ERBB4: variants seen among roughly 807,000 people sequenced by gnomAD.
The protein encoded by ERBB4 is receptor tyrosine-protein kinase erbB-4.
Under a neutral mutation model 158.0 loss-of-function variants are expected in ERBB4, and 42 were observed. The ratio of observed to expected loss-of-function variants is 0.27; its 90% CI spans 0.21 to 0.34. The LOEUF (loss-of-function observed/expected upper bound fraction) is 0.34, where lower values mean the gene tolerates loss of function less well. Ranked by LOEUF, ERBB4 falls within the 10% of genes least tolerant of loss-of-function variation. The pLI is 1.00. For synonymous variants in ERBB4, 583 were observed against 558.7 expected, an observed-to-expected ratio of 1.04 and a Z score of -0.61; for missense variants, 1,333 against 1,624.1, an observed-to-expected ratio of 0.82 and a Z score of 3.08.
At chr2:211,632,546 T>C (rs533135627) in intron 16 of ERBB4, among the ~76,000 whole-genome samples, 2 of 152,228 alleles carry the variant, frequency 1.3e-5, no homozygotes, top group East Asian at 3.9e-4. Flanking sequence ...GTGGTATACA[T>C]ATTTATGTAA....
At chr2:212,444,464 A>T (rs1196065414) in intron 1 of ERBB4, among the ~76,000 whole-genome samples, 1 of 152,202 alleles carries the variant, frequency 6.6e-6, no homozygotes, top group Non-Finnish European at 1.5e-5. Context: ...TGACAAAGAA[A>T]TCTGGGGAAG....
At chr2:212,484,109 A>T (rs1490461167) in intron 1 of ERBB4, among the ~76,000 whole-genome samples, 1 of 152,126 alleles carries the variant, frequency 6.6e-6, no homozygotes, top group Non-Finnish European at 1.5e-5. Flanking sequence ...TTTTCTATAC[A>T]TATGCTGTAT....
chr2:212,379,441 G>A (rs896928073), intron 1 of ERBB4, among the ~76,000 whole-genome samples: 5 of 151,560 alleles, frequency 3.3e-5, no homozygotes, highest in African/African-American at 9.7e-5. Context: ...TATAAATGCA[G>A]TATGACGAAA....
chr2:212,479,876 T>C (rs1443646433), intron 1 of ERBB4, among the ~76,000 whole-genome samples: 1 of 152,184 alleles, frequency 6.6e-6, no homozygotes, highest in Admixed American at 6.5e-5. Context: ...GAGGACTTCA[T>C]GATGATTGCT....
chr2:212,209,984 T>C (rs977842719), intron 1 of ERBB4, among the ~76,000 whole-genome samples: 3 of 151,892 alleles, frequency 2.0e-5, no homozygotes, highest in African/African-American at 7.3e-5. Flanking sequence ...GATATGGAGA[T>C]AGAATAGGTA....
intron 1 of ERBB4, among the ~76,000 whole-genome samples, chr2:212,480,410 G>T (rs905384290): frequency 6.6e-6 from 1 of 152,152 alleles, no homozygotes; most frequent in African/African-American, 2.4e-5. Flanking sequence ...ATGGATGCAA[G>T]GCTTTCTCGG....
intron 2 of ERBB4, among the ~76,000 whole-genome samples, chr2:212,118,890 T>C (rs1452590336): frequency 6.6e-6 from 1 of 152,026 alleles, no homozygotes; most frequent in African/African-American, 2.4e-5. Flanking sequence ...TTTTTAATCT[T>C]TTTGCTTCAA....
chr2:211,809,784 G>A (rs932348855), intron 3 of ERBB4, among the ~76,000 whole-genome samples: 18 of 151,818 alleles, frequency 1.2e-4, no homozygotes, highest in Admixed American at 6.6e-5. Context: ...ATGATGTTAG[G>A]GTGTTGATTT....
intron 20 of ERBB4, among the ~76,000 whole-genome samples, chr2:211,507,174 C>T (rs1017830420): frequency 1.3e-5 from 2 of 151,848 alleles, no homozygotes; most frequent in African/African-American, 2.4e-5. Flanking sequence ...AAAAGAAATC[C>T]TAAACGGACA....
At position 212,070,286 on chromosome 2, in the gene ERBB4, C is replaced by T. The variant is rs150172373; in HGVS notation, c.234+54466G>A. Among the ~76,000 whole-genome samples the T allele has an allele frequency of 6.6e-4, 101 of 151,970 alleles. 1 individual carries two copies. Among genetic ancestry groups the T allele is most frequent in the African/African-American group, 2.4e-3 (99 of 41,476 alleles). On this transcript the variant is annotated intron_variant, in intron 2 of 27. Transcript: ENST00000342788. ...AAGTATCAATACTTCTTAAATTGAT[C>T]TACACTCTCAATGCAATCCTTATAA...
chr2:212,527,564 A>G (rs958470094), intron 1 of ERBB4, among the ~76,000 whole-genome samples: 2 of 152,160 alleles, frequency 1.3e-5, no homozygotes, highest in Non-Finnish European at 2.9e-5. Context: ...TTTCTAAAAC[A>G]GCTTCAGCTT....
chr2:211,446,045 T>A (rs960269469), intron 20 of ERBB4, among the ~76,000 whole-genome samples: 1 of 152,202 alleles, frequency 6.6e-6, no homozygotes, highest in Non-Finnish European at 1.5e-5. Context: ...GGGGAGCTAA[T>A]GTTTTCATAC....
chr2:212,015,797 C>T (rs1048897746), intron 2 of ERBB4, among the ~76,000 whole-genome samples: 1 of 152,044 alleles, frequency 6.6e-6, no homozygotes, highest in Non-Finnish European at 1.5e-5. Context: ...ACCCACTGCC[C>T]TTAAAATGAA....
intron 25 of ERBB4, among the ~76,000 whole-genome samples, chr2:211,393,090 A>C (rs1249707095): frequency 6.6e-6 from 1 of 152,244 alleles, no homozygotes; most frequent in Non-Finnish European, 1.5e-5. Flanking sequence ...GAGTCAAGAC[A>C]GAATTTACAA....
intron 1 of ERBB4, among the ~76,000 whole-genome samples, chr2:212,168,921 C>T (rs1311597441): frequency 2.0e-5 from 3 of 151,856 alleles, no homozygotes; most frequent in Admixed American, 1.3e-4. Flanking sequence ...AATAGAAGTA[C>T]CTAAAGATTT....
At chr2:212,072,756 A>G (rs1001413938) in intron 2 of ERBB4, among the ~76,000 whole-genome samples, 46 of 152,012 alleles carry the variant, frequency 3.0e-4, no homozygotes, top group African/African-American at 1.0e-3. Context: ...TGGCTACTAT[A>G]TGCTCAGCCT....
intron 2 of ERBB4, among the ~76,000 whole-genome samples, chr2:211,953,349 G>A (rs954650900): frequency 8.6e-5 from 13 of 150,904 alleles, no homozygotes; most frequent in African/African-American, 2.4e-4. Context: ...AAAACTGCAC[G>A]TTCTGCATAT....
chr2:211,652,015 TATA>T (rs199547138), intron 16 of ERBB4, among the ~76,000 whole-genome samples: 7,478 of 152,312 alleles, frequency 0.049, 221 homozygotes, highest in Middle Eastern at 0.075. Flanking sequence ...TGAGTTTGAG[TATA>T]ATATTAACAT....
At chr2:212,503,474 C>T (rs1691013129) in intron 1 of ERBB4, among the ~76,000 whole-genome samples, 2 of 152,180 alleles carry the variant, frequency 1.3e-5, no homozygotes, top group Admixed American at 6.5e-5. Flanking sequence ...GCATTTATAT[C>T]ACTTCAACTG....
Sources: gnomAD v4.1 joint callset for allele counts (sites outside exome capture counted in the v4.1 genomes callset) on GRCh38, gnomAD v4.1.1 for gene constraint, MANE v1.5 for transcripts, NCBI Gene and HGNC (gene_info 2026-07-23, HGNC 2026-07-21) for gene names.